RARS1: variants seen among roughly 807,000 people sequenced by gnomAD.
RARS1 encodes the protein arginyl-tRNA synthetase 1.
In RARS1, 75 loss-of-function variants were observed where a neutral mutation model predicts 78.7. The ratio of observed to expected loss-of-function variants is 0.95; its 90% CI spans 0.79 to 1.15. RARS1 has a LOEUF of 1.15. Ranked by LOEUF, RARS1 falls within the 50% of genes most tolerant of loss-of-function variation. The pLI is 0.00. For missense variants in RARS1, 787 were observed against 787.5 expected, an observed-to-expected ratio of 1.00 and a Z score of 0.01; for synonymous variants, 273 against 268.2, an observed-to-expected ratio of 1.02 and a Z score of -0.18.
intron 10 of RARS1, 78 bp downstream of exon 10, chr5:168,506,277 C>A: frequency 8.7e-7 from 1 of 1,150,844 alleles, no homozygotes; most frequent in Non-Finnish European, 1.2e-6. Flanking sequence ...TGACATCTGA[C>A]ACTGGATGAC....
At chr5:168,506,641 C>T in intron 10 of RARS1, 81 bp from the exon 11 acceptor site, 1 of 1,045,142 alleles carries the variant, frequency 9.6e-7, no homozygotes, top group Non-Finnish European at 1.4e-6. Flanking sequence ...TTTTACAGAT[C>T]TATTCCTAAG....
chr5:168,488,537 C>T lies in RARS1; in HGVS notation c.46-65C>T, dbSNP rs531875721. The T allele has an allele frequency of 2.0e-5, 30 of 1,518,026 alleles. No homozygotes were observed. In the African/African-American group the frequency reaches 3.5e-4, roughly 18 times the overall value. The allele number at this position is 1,518,026 out of a possible 1,614,324, so 94.0% of individuals were successfully genotyped here. On this transcript the variant is annotated intron_variant, in intron 1 of 14. Transcript: ENST00000231572. ...ATGATTCCCATGGTCTATGCCACGC[C>T]TTGGTAGAGAGGGGAAATGTGGAAG...
intron 3 of RARS1, chr5:168,493,058 C>G: frequency 4.2e-6 from 2 of 472,294 alleles, no homozygotes; most frequent in Non-Finnish European, 7.6e-6. Flanking sequence ...TATATGTATT[C>G]TCAATATTTA....
chr5:168,486,646 C>T (rs916155167), intron 1 of RARS1, 103 bp downstream of exon 1: 7 of 1,241,402 alleles, frequency 5.6e-6, no homozygotes, highest in Non-Finnish European at 8.0e-6. Flanking sequence ...GAGGACCATC[C>T]TGGTCCTCTC....
intron 11 of RARS1, 144 bp from the exon 12 acceptor site, chr5:168,510,437 A>C: frequency 1.5e-6 from 1 of 658,180 alleles, no homozygotes; most frequent in Non-Finnish European, 2.7e-6. Context: ...CCCTCTCTTA[A>C]TAGTTCTCAG....
intron 7 of RARS1, among the ~76,000 whole-genome samples, chr5:168,499,846 A>T (rs1299904192): frequency 1.3e-5 from 2 of 152,210 alleles, no homozygotes; most frequent in African/African-American, 4.8e-5. Flanking sequence ...TTGCTTTCAA[A>T]ATAGAAATAA....
intron 1 of RARS1, among the ~76,000 whole-genome samples, chr5:168,487,762 T>C (rs564179502): frequency 6.6e-6 from 1 of 152,352 alleles, no homozygotes; most frequent in East Asian, 1.9e-4. Flanking sequence ...TATTTCTTTC[T>C]GAATTGACAT....
At chr5:168,491,292 CA>C (rs1466310429) in intron 2 of RARS1, among the ~76,000 whole-genome samples, 1 of 152,116 alleles carries the variant, frequency 6.6e-6, no homozygotes, top group Non-Finnish European at 1.5e-5. Flanking sequence ...CCCAGGAGTT[CA>C]AGGTTACAGT....
At chr5:168,504,428 C>T (rs1758392853) in intron 9 of RARS1, among the ~76,000 whole-genome samples, 1 of 150,840 alleles carries the variant, frequency 6.6e-6, no homozygotes, top group Non-Finnish European at 1.5e-5. Context: ...GAGGCTGAGG[C>T]AGAGGAGTCG....
intron 2 of RARS1, among the ~76,000 whole-genome samples, chr5:168,492,271 A>G (rs908043464): frequency 2.6e-5 from 4 of 152,186 alleles, no homozygotes; most frequent in Non-Finnish European, 5.9e-5. Context: ...TTTGATGGAC[A>G]TCATGTATTT....
chr5:168,490,270 C>G (rs773985832), intron 2 of RARS1, among the ~76,000 whole-genome samples: 2 of 152,160 alleles, frequency 1.3e-5, no homozygotes, highest in African/African-American at 4.8e-5. Context: ...ATTCATTCTA[C>G]ACTTATATAT....
Position 168,488,617 on chromosome 5 carries a change from T to C in RARS1, c.61T>C (p.Ser21Pro). Residue 21 changes from serine to proline, a missense_variant, in exon 2 of 15, where the codon TCT becomes CCT. By Grantham distance (74) the Ser-to-Pro change is moderately conservative. Transcript: ENST00000231572. The part of the protein sequence containing the change: ...RLLQQEEEIK[S>P]LTAEIDRLKN... The stretch of plus-strand genomic sequence containing the variant: ...TTTCCCACAGGAAGAAGAGATTAAA[T>C]CTCTGACTGCTGAAATTGACCGGTT... 6.2e-7 allele frequency: 1 copy of C among 1,606,706 alleles called. No homozygotes were observed. The highest frequency in any genetic ancestry group is 8.5e-7 in the Non-Finnish European group (1 of 1,178,344).
At chr5:168,518,301 T>C (rs1044205954) in intron 14 of RARS1, among the ~76,000 whole-genome samples, 22 of 151,836 alleles carry the variant, frequency 1.4e-4, no homozygotes, top group African/African-American at 5.1e-4. Flanking sequence ...CATTAAAGCA[T>C]TTGAATTGTG....
intron 3 of RARS1, 97 bp downstream of exon 3, chr5:168,492,944 T>C: frequency 8.7e-7 from 1 of 1,150,428 alleles, no homozygotes; most frequent in Non-Finnish European, 1.2e-6. Flanking sequence ...GTTGTATCCT[T>C]AGTGAAAAGG....
At chr5:168,494,431 G>A (rs1758141575) in intron 4 of RARS1, 119 bp from the exon 5 acceptor site, 3 of 1,503,430 alleles carry the variant, frequency 2.0e-6, no homozygotes, top group South Asian at 2.7e-5. Context: ...GGCCACAACT[G>A]GTATTGGAAT....
Position 168,518,071 on chromosome 5 carries a change from C to CTTTTTTGTTTTT in RARS1, c.1873+15_1873+16insGTTTTTTTTTTT. The CTTTTTTGTTTTT allele has an allele frequency of 1.3e-6, 1 of 747,560 alleles. No homozygotes were observed. Among genetic ancestry groups the CTTTTTTGTTTTT allele is most frequent in the Non-Finnish European group, 1.6e-6 (1 of 622,936 alleles). 46.3% of individuals were successfully genotyped at this position (747,560 alleles called of 1,614,324 possible). A position where few individuals can be genotyped will look rare whatever the true frequency, so the allele number is the denominator to read the frequency against. On this transcript the variant is annotated intron_variant, in intron 14 of 14. Transcript: ENST00000231572. ...GAAAGATAGACAGACTGGTGAGTGT[C>CTTTTTTGTTTTT]TTTTTTTTTTTTTTTTTTTTTTTTA...
intron 12 of RARS1, among the ~76,000 whole-genome samples, chr5:168,512,937 T>C (rs2113026989): frequency 6.6e-6 from 1 of 152,376 alleles, no homozygotes; most frequent in East Asian, 1.9e-4. Context: ...GTTTTTTATT[T>C]TAGCTTTTCT....
At chr5:168,499,896 A>G (rs948091255) in intron 7 of RARS1, among the ~76,000 whole-genome samples, 1 of 152,182 alleles carries the variant, frequency 6.6e-6, no homozygotes, top group Non-Finnish European at 1.5e-5. Flanking sequence ...AAAAATAATA[A>G]TAATAAGTTG....
chr5:168,512,105 C>T lies in RARS1; in HGVS notation c.1452+1419C>T, dbSNP rs115238954. 5.8e-3 allele frequency among the ~76,000 whole-genome samples: 881 copies of T among 151,600 alleles called. 10 individuals are homozygous for T. Among genetic ancestry groups the T allele is most frequent in the African/African-American group, 0.019 (778 of 40,916 alleles). ...GGCTCAAGCGATCCACTCACCTTGC[C>T]GTCCCAAAGTGCTAGGATTACAGGC... On this transcript the variant is annotated intron_variant, in intron 12 of 14. Transcript: ENST00000231572.
Sources: allele counts gnomAD v4.1 joint callset (sites outside exome capture counted in the v4.1 genomes callset), GRCh38; gene constraint gnomAD v4.1.1; transcripts MANE v1.5; gene names NCBI Gene and HGNC (gene_info 2026-07-23, HGNC 2026-07-21).